The following PHACTR3 variants were observed in gnomAD, a reference collection of about 807,000 sequenced individuals.
PHACTR3 encodes protein phosphatase 1, regulatory subunit 123.
Under a neutral mutation model 66.8 loss-of-function variants are expected in PHACTR3, and 16 were observed. The ratio of observed to expected loss-of-function variants is 0.24; its 90% CI spans 0.16 to 0.36. The LOEUF (loss-of-function observed/expected upper bound fraction) is 0.36, where lower values mean the gene tolerates loss of function less well. Among genes scored for constraint, PHACTR3 ranks in the 10% least tolerant of loss-of-function variants. The probability of loss-of-function intolerance (pLI) is 1.00; values close to 1 mark genes in which losing one functional copy is unlikely to be tolerated. For missense variants in PHACTR3, 647 were observed against 719.9 expected (o/e 0.90, Z 1.16); for synonymous variants, 323 against 292.1 (o/e 1.11, Z -1.08).
intron 1 of PHACTR3, among the ~76,000 whole-genome samples, chr20:59,647,317 A>G (rs375959644): frequency 2.4e-4 from 36 of 152,296 alleles, no homozygotes; most frequent in Non-Finnish European, 4.3e-4. Flanking sequence ...ACATGATTCA[A>G]TTATCTCCAT....
intron 1 of PHACTR3, among the ~76,000 whole-genome samples, chr20:59,597,678 A>G (rs1423579797): frequency 1.3e-5 from 2 of 152,230 alleles, no homozygotes; most frequent in East Asian, 3.8e-4. Context: ...TGAAAACCCT[A>G]CTATCAGAGG....
rs538186290 is a variant in PHACTR3, at chr20:59,782,288, GT to G, written c.1174+7800del. 7.1e-3 allele frequency among the ~76,000 whole-genome samples: 1,076 copies of G among 152,220 alleles called. 15 individuals carry two copies. The highest frequency in any genetic ancestry group is 0.025 in the African/African-American group (1,035 of 41,520). On this transcript the variant is annotated intron_variant, in intron 7 of 12. Transcript: ENST00000371015. ...TTTTTCTAAGACAGAGTCTTGCTCT[GT>G]TGCCCAGGCTGGAGTATCGTGGCAC...
intron 11 of PHACTR3, chr20:59,844,152 T>TA (rs927865136): frequency 2.1e-4 from 32 of 151,956 alleles, no homozygotes; most frequent in Admixed American, 4.6e-4. Flanking sequence ...GAATAGTTAT[T>TA]AAAAAAATAA....
intron 1 of PHACTR3, among the ~76,000 whole-genome samples, chr20:59,624,483 C>G (rs974379062): frequency 6.6e-6 from 1 of 152,142 alleles, no homozygotes; most frequent in African/African-American, 2.4e-5. Context: ...TCTCAGGTGC[C>G]GCTGATGCTG....
At position 59,818,869 on chromosome 20, in the gene PHACTR3, A is replaced by C. The variant is rs79355994; in HGVS notation, c.1328+12675A>C. Among the ~76,000 whole-genome samples, 290 of 151,950 alleles carry C rather than the reference A, an allele frequency of 1.9e-3. 5 individuals carry two copies. The East Asian group carries it at 0.038, about 20-fold the overall frequency. ...TGTCATTTTCATCTTTTTCTTCCTC[A>C]TTATCTTTCCATCATCTTTAGCAAC... is the stretch of plus-strand genomic sequence containing the variant. On this transcript the variant is annotated intron_variant, in intron 8 of 12. Transcript: ENST00000371015.
intron 1 of PHACTR3, among the ~76,000 whole-genome samples, chr20:59,585,962 T>C (rs1442528759): frequency 6.6e-6 from 1 of 152,178 alleles, no homozygotes; most frequent in African/African-American, 2.4e-5. Flanking sequence ...TGAAAACATG[T>C]CGTATTTTTA....
At chr20:59,657,275 GTGTGTGTGTT>G (rs1601022064) in intron 1 of PHACTR3, among the ~76,000 whole-genome samples, 1 of 151,274 alleles carries the variant, frequency 6.6e-6, no homozygotes, top group South Asian at 2.1e-4. Context: ...GTGTGTGTGT[GTGTGTGTGTT>G]TGTGTGTTAT....
chr20:59,693,549 G>A (rs8120517), intron 1 of PHACTR3, among the ~76,000 whole-genome samples: 1,760 of 152,304 alleles, frequency 0.012, 29 homozygotes, highest in African/African-American at 0.033. Context: ...ACTCTTAGGG[G>A]AGGCACCAGC....
At chr20:59,625,315 A>G (rs1426873883) in intron 1 of PHACTR3, among the ~76,000 whole-genome samples, 1 of 151,464 alleles carries the variant, frequency 6.6e-6, no homozygotes, top group Middle Eastern at 3.2e-3. Context: ...GGTTGGGAGG[A>G]GTGGTTGAGA....
chr20:59,669,093 C>T (rs550306673), intron 1 of PHACTR3, among the ~76,000 whole-genome samples: 4 of 152,196 alleles, frequency 2.6e-5, no homozygotes, highest in African/African-American at 9.6e-5. Context: ...TCAGATGCTG[C>T]CTCTGCCATT....
chr20:59,593,071 A>G (rs768867441), intron 1 of PHACTR3, among the ~76,000 whole-genome samples: 1 of 152,244 alleles, frequency 6.6e-6, no homozygotes, highest in Non-Finnish European at 1.5e-5. Context: ...AAGAAACCAC[A>G]AAGCTGTCTT....
chr20:59,731,145 A>G (rs2038745973), intron 1 of PHACTR3, among the ~76,000 whole-genome samples: 1 of 152,198 alleles, frequency 6.6e-6, no homozygotes, highest in South Asian at 2.1e-4. Flanking sequence ...TGGAACTCAG[A>G]CTTTGAAGAT....
chr20:59,684,009 G>A (rs1316997119), intron 1 of PHACTR3, among the ~76,000 whole-genome samples: 1 of 152,214 alleles, frequency 6.6e-6, no homozygotes, highest in Non-Finnish European at 1.5e-5. Flanking sequence ...GAGGGGCAAT[G>A]GCTGTTTATT....
At chr20:59,814,352 G>A (rs115123985) in intron 8 of PHACTR3, among the ~76,000 whole-genome samples, 3,265 of 152,292 alleles carry the variant, frequency 0.021, 124 homozygotes, top group African/African-American at 0.073. Context: ...GGGCCTGCCA[G>A]CCTAGGGGTG....
chr20:59,594,824 G>C (rs2033278261), intron 1 of PHACTR3, among the ~76,000 whole-genome samples: 2 of 152,140 alleles, frequency 1.3e-5, no homozygotes, highest in South Asian at 4.1e-4. Flanking sequence ...TTTTGTATCT[G>C]CTTGCTTTGG....
chr20:59,841,020 CAG>C (rs1168582631), intron 10 of PHACTR3, among the ~76,000 whole-genome samples: 2 of 152,198 alleles, frequency 1.3e-5, no homozygotes, highest in African/African-American at 4.8e-5. Context: ...TTGAAATTAA[CAG>C]AATATCCTTC....
At chr20:59,693,407 G>T (rs2037181287) in intron 1 of PHACTR3, among the ~76,000 whole-genome samples, 1 of 152,112 alleles carries the variant, frequency 6.6e-6, no homozygotes, top group South Asian at 2.1e-4. Context: ...TAAACATTTA[G>T]GTTTCTAAGA....
At chr20:59,836,707 G>C in intron 9 of PHACTR3, 147 bp downstream of exon 9, 1 of 738,156 alleles carries the variant, frequency 1.4e-6, no homozygotes, top group South Asian at 2.0e-5. Context: ...AATTCTGAAA[G>C]CAAGCCCCAA....
chr20:59,834,226 G>C (rs1384999934), intron 8 of PHACTR3, among the ~76,000 whole-genome samples: 1 of 152,168 alleles, frequency 6.6e-6, no homozygotes, highest in African/African-American at 2.4e-5. Context: ...TGCTCTAAAA[G>C]TGCCTGTGTG....
Sources: allele counts gnomAD v4.1 joint callset (sites outside exome capture counted in the v4.1 genomes callset), GRCh38; gene constraint gnomAD v4.1.1; transcripts MANE v1.5; gene names NCBI Gene and HGNC (gene_info 2026-07-23, HGNC 2026-07-21).